CSMD1: variants seen among roughly 807,000 people sequenced by gnomAD.
CSMD1 encodes the protein CUB and sushi domain-containing protein 1.
CSMD1 carries 213 observed loss-of-function variants against 417.5 expected under a neutral mutation model. The observed-to-expected ratio is 0.51, with a 90% CI of 0.46 to 0.57. The LOEUF is 0.57. CSMD1 is among the 20% of genes least tolerant of loss of function. The probability of loss-of-function intolerance (pLI) is 0.00; values close to 1 mark genes in which losing one functional copy is unlikely to be tolerated. For missense variants in CSMD1, 6,923 were observed against 4,529.7 expected, an observed-to-expected ratio of 1.53 and a Z score of -15.17; for synonymous variants, 2,862 against 1,736.8, an observed-to-expected ratio of 1.65 and a Z score of -16.11.
chr8:4,832,188 C>T (rs7014145), intron 1 of CSMD1, among the ~76,000 whole-genome samples: 13,866 of 152,154 alleles, frequency 0.091, 655 homozygotes, highest in Non-Finnish European at 0.11. Context: ...ATGCATGGAA[C>T]GCCCTGAGTG....
intron 22 of CSMD1, among the ~76,000 whole-genome samples, chr8:3,347,075 G>T (rs1036180736): frequency 6.6e-6 from 1 of 152,154 alleles, no homozygotes; most frequent in Non-Finnish European, 1.5e-5. Context: ...TAACTGATAA[G>T]CTTAAAAAAA....
At chr8:3,122,773 G>GT (rs764782083) in intron 41 of CSMD1, among the ~76,000 whole-genome samples, 13 of 152,154 alleles carry the variant, frequency 8.5e-5, no homozygotes, top group Non-Finnish European at 1.8e-4. Flanking sequence ...ATGTGGAACT[G>GT]TAAGTCCATT....
chr8:3,351,581 A>G (rs1275253237), intron 21 of CSMD1, among the ~76,000 whole-genome samples: 2 of 145,834 alleles, frequency 1.4e-5, no homozygotes, highest in Non-Finnish European at 3.0e-5. Context: ...TGGGCGACAC[A>G]GTGTGAGACT....
chr8:3,295,301 AT>A (rs1325890553), intron 25 of CSMD1, among the ~76,000 whole-genome samples: 1 of 151,272 alleles, frequency 6.6e-6, no homozygotes, highest in East Asian at 1.9e-4. Context: ...ATTTTTTTGT[AT>A]TTTTTAGTAG....
At chr8:4,815,373 T>G (rs1304207857) in intron 1 of CSMD1, among the ~76,000 whole-genome samples, 1 of 152,076 alleles carries the variant, frequency 6.6e-6, no homozygotes, top group Non-Finnish European at 1.5e-5. Flanking sequence ...TGTGGACACG[T>G]AGCCATGTGG....
intron 5 of CSMD1, among the ~76,000 whole-genome samples, chr8:3,942,272 A>G (rs1810935027): frequency 6.6e-6 from 1 of 152,110 alleles, no homozygotes; most frequent in Non-Finnish European, 1.5e-5. Flanking sequence ...CATAAATGTA[A>G]TGCGCTTGAA....
chr8:4,937,213 AAAAT>A (rs138662428), intron 1 of CSMD1, among the ~76,000 whole-genome samples: 63 of 151,064 alleles, frequency 4.2e-4, no homozygotes, highest in African/African-American at 1.5e-3. Context: ...GCCCTGTCTC[AAAAT>A]AAATAAATAA....
intron 2 of CSMD1, among the ~76,000 whole-genome samples, chr8:4,595,282 AT>A (rs145332924): frequency 0.091 from 13,894 of 152,044 alleles, 1,630 homozygotes; most frequent in African/African-American, 0.28. Context: ...AATATGATAA[AT>A]AAAAAGGAAA....
At chr8:3,308,686 G>A (rs936685744) in intron 23 of CSMD1, among the ~76,000 whole-genome samples, 183 bp from the exon 24 acceptor site, 2 of 146,800 alleles carry the variant, frequency 1.4e-5, no homozygotes, top group Non-Finnish European at 3.0e-5. Context: ...ACCCATTTGT[G>A]ATTTCTTGAA....
chr8:4,226,517 C>G (rs1585055436), intron 3 of CSMD1, among the ~76,000 whole-genome samples: 1 of 151,978 alleles, frequency 6.6e-6, no homozygotes, highest in Non-Finnish European at 1.5e-5. Flanking sequence ...TATAATGAGT[C>G]AAAACAATTA....
At chr8:4,937,729 A>G (rs146271209) in intron 1 of CSMD1, among the ~76,000 whole-genome samples, 1 of 152,158 alleles carries the variant, frequency 6.6e-6, no homozygotes, top group African/African-American at 2.4e-5. Context: ...ACGCCTGAGC[A>G]GAGTAAGATA....
At chr8:2,999,858 T>C in intron 53 of CSMD1, 100 bp downstream of exon 53, 1 of 1,044,674 alleles carries the variant, frequency 9.6e-7, no homozygotes, top group Non-Finnish European at 1.3e-6. Context: ...CTGTTCCCTT[T>C]TACAGTGAAG....
chr8:4,228,404 T>C (rs771469824), intron 3 of CSMD1, among the ~76,000 whole-genome samples: 5 of 152,088 alleles, frequency 3.3e-5, no homozygotes, highest in East Asian at 1.9e-4. Flanking sequence ...CTATGCCCCA[T>C]ATTTTGCTGA....
chr8:3,471,641 C>T (rs1455364777), intron 11 of CSMD1, among the ~76,000 whole-genome samples: 1 of 142,964 alleles, frequency 7.0e-6, no homozygotes, highest in Non-Finnish European at 1.5e-5. Context: ...TCCCTCCCTT[C>T]TTCCTCTCTC....
intron 26 of CSMD1, among the ~76,000 whole-genome samples, chr8:3,239,648 C>G (rs1799367748): frequency 6.6e-6 from 1 of 152,084 alleles, no homozygotes; most frequent in African/African-American, 2.4e-5. Context: ...GGATAGATTT[C>G]TATGATGGAA....
At chr8:4,013,898 T>C (rs1032620928) in intron 4 of CSMD1, among the ~76,000 whole-genome samples, 1 of 152,128 alleles carries the variant, frequency 6.6e-6, no homozygotes, top group Non-Finnish European at 1.5e-5. Flanking sequence ...AACAAAATAT[T>C]TGCTATCTGG....
chr8:3,403,016 T>G (rs984137603), intron 15 of CSMD1, among the ~76,000 whole-genome samples: 1 of 152,138 alleles, frequency 6.6e-6, no homozygotes, highest in African/African-American at 2.4e-5. Flanking sequence ...AAGGTTTGAG[T>G]TTCTCTTTAA....
intron 1 of CSMD1, among the ~76,000 whole-genome samples, chr8:4,836,366 G>A (rs999460712): frequency 8.5e-5 from 13 of 152,170 alleles, no homozygotes; most frequent in Admixed American, 8.5e-4. Context: ...GTGGAGCCAT[G>A]CCACATCTTG....
chr8:4,597,437 T>A (rs1800348499), intron 2 of CSMD1, among the ~76,000 whole-genome samples: 1 of 152,184 alleles, frequency 6.6e-6, no homozygotes, highest in South Asian at 2.1e-4. Context: ...CCCCTGGTCC[T>A]CTTGTAAACG....
Sources: gnomAD v4.1 joint callset for allele counts (sites outside exome capture counted in the v4.1 genomes callset) on GRCh38, gnomAD v4.1.1 for gene constraint, MANE v1.5 for transcripts, NCBI Gene and HGNC (gene_info 2026-07-23, HGNC 2026-07-21) for gene names.